The following UVRAG variants were observed in gnomAD, a reference collection of about 807,000 sequenced individuals.
UVRAG encodes UV radiation resistance associated, also known as UV radiation resistance-associated gene protein.
In UVRAG, 19 loss-of-function variants were observed where a neutral mutation model predicts 78.0. That is an observed-to-expected ratio of 0.24 (90% CI 0.17 to 0.36). The LOEUF is 0.36. Among genes scored for constraint, UVRAG ranks in the 10% least tolerant of loss-of-function variants. The probability of loss-of-function intolerance (pLI) is 1.00; values close to 1 mark genes in which losing one functional copy is unlikely to be tolerated. For missense variants in UVRAG, 740 were observed against 853.8 expected, an observed-to-expected ratio of 0.87 and a Z score of 1.66; for synonymous variants, 323 against 324.6, an observed-to-expected ratio of 1.00 and a Z score of 0.05.
In UVRAG at chr11:75,936,995, A is replaced by G. The variant is rs139014472; in HGVS notation, c.594-24449A>G. Among the ~76,000 whole-genome samples the G allele has an allele frequency of 9.4e-3, 1,433 of 152,244 alleles. 13 individuals are homozygous for G. The highest frequency in any genetic ancestry group is 0.014 in the Non-Finnish European group (980 of 68,012). On this transcript the variant is annotated intron_variant, in intron 6 of 14. Transcript: ENST00000356136. The stretch of plus-strand genomic sequence containing the variant: ...GGTCTTAAAGTCCTGGTCTCAAGTG[A>G]TCTTCTGTTCTCAGCCTCCTGAGTA...
chr11:76,140,144 T>TCTCTCC (rs1952688838), intron 14 of UVRAG, among the ~76,000 whole-genome samples: 1 of 100,474 alleles, frequency 1.0e-5, no homozygotes, highest in Non-Finnish European at 1.9e-5. Flanking sequence ...TCTCTCTCTC[T>TCTCTCC]CTCTCCCTCC....
At chr11:75,815,617 AC>A in intron 1 of UVRAG, 93 bp downstream of exon 1, 2 of 808,332 alleles carry the variant, frequency 2.5e-6, no homozygotes, top group South Asian at 6.4e-5. Flanking sequence ...GAGCCGGGAC[AC>A]CCAGAGCAGG....
In UVRAG at chr11:75,954,416, G is replaced by A. The variant is rs191775856; in HGVS notation, c.594-7028G>A. Among the ~76,000 whole-genome samples, 298 of 152,248 alleles carry A rather than the reference G, an allele frequency of 2.0e-3. 1 individual carries two copies. Among genetic ancestry groups the A allele is most frequent in the Middle Eastern group, 6.8e-3 (2 of 294 alleles). ...TACTTTTAAAGTAACAGGCTATTTT[G>A]TTGATTTCTTCTCTGGGTTGATGAT... On this transcript the variant is annotated intron_variant, in intron 6 of 14. Transcript: ENST00000356136.
At chr11:76,082,401 G>A (rs1309828595) in intron 13 of UVRAG, among the ~76,000 whole-genome samples, 2 of 151,824 alleles carry the variant, frequency 1.3e-5, no homozygotes, top group Admixed American at 6.6e-5. Flanking sequence ...TTAGCCAGGC[G>A]TGGTGTCGGG....
chr11:75,936,263 G>A (rs1410561424), intron 6 of UVRAG, among the ~76,000 whole-genome samples: 1 of 152,172 alleles, frequency 6.6e-6, no homozygotes, highest in African/African-American at 2.4e-5. Context: ...TTTGCAATCA[G>A]TAAGTATTTG....
chr11:75,977,736 C>T (rs1044969978), intron 7 of UVRAG, among the ~76,000 whole-genome samples: 2 of 152,148 alleles, frequency 1.3e-5, no homozygotes, highest in African/African-American at 4.8e-5. Context: ...AGATGTTCCT[C>T]CATCCCTTTA....
At chr11:76,011,570 G>A (rs111826646) in intron 11 of UVRAG, among the ~76,000 whole-genome samples, 1 of 152,204 alleles carries the variant, frequency 6.6e-6, no homozygotes. Flanking sequence ...GTTGCAGTGG[G>A]CTGAGATTGC....
At chr11:76,130,355 T>G (rs11825311) in intron 14 of UVRAG, among the ~76,000 whole-genome samples, 4,821 of 152,318 alleles carry the variant, frequency 0.032, 90 homozygotes, top group African/African-American at 0.047. Context: ...TAAATTCCAT[T>G]AAAACATGAA....
Position 75,829,803 on chromosome 11 carries a change from AATT to A in UVRAG, c.117+14284_117+14286del, listed in dbSNP as rs561789431. On this transcript the variant is annotated intron_variant, in intron 1 of 14. Transcript: ENST00000356136. ...TCCAGTAAAAGTTTAAGGATACTGA[AATT>A]ATTAATTTTCATGCCATGAAATATT... is the stretch of plus-strand genomic sequence containing the variant. Among the ~76,000 whole-genome samples, 684 of 152,302 alleles carry A rather than the reference AATT, an allele frequency of 4.5e-3. 3 individuals are homozygous for A. Among genetic ancestry groups the A allele is most frequent in the African/African-American group, 0.015 (627 of 41,576 alleles).
chr11:76,083,373 G>A (rs1483721458), intron 13 of UVRAG, among the ~76,000 whole-genome samples: 2 of 152,048 alleles, frequency 1.3e-5, no homozygotes, highest in Non-Finnish European at 2.9e-5. Context: ...CCATTTTAGG[G>A]ATGTATACTA....
At chr11:75,884,959 T>G (rs1446766116) in intron 4 of UVRAG, among the ~76,000 whole-genome samples, 1 of 152,038 alleles carries the variant, frequency 6.6e-6, no homozygotes, top group Non-Finnish European at 1.5e-5. Context: ...CTAAGAAAAT[T>G]TGGGGAGAAT....
intron 12 of UVRAG, among the ~76,000 whole-genome samples, chr11:76,050,656 A>G (rs754224408): frequency 2.6e-5 from 4 of 152,188 alleles, no homozygotes; most frequent in Non-Finnish European, 5.9e-5. Context: ...GAAAAGGGAA[A>G]TCAAGCATAC....
At chr11:76,082,413 G>A (rs545827986) in intron 13 of UVRAG, among the ~76,000 whole-genome samples, 16 of 151,826 alleles carry the variant, frequency 1.1e-4, no homozygotes, top group South Asian at 6.3e-4. Context: ...GGTGTCGGGC[G>A]CCTGTAATCC....
intron 13 of UVRAG, among the ~76,000 whole-genome samples, chr11:76,105,605 C>T (rs1419313163): frequency 1.3e-5 from 2 of 151,934 alleles, no homozygotes; most frequent in Non-Finnish European, 2.9e-5. Flanking sequence ...AAAAACTTAG[C>T]TGGGTGTGGT....
Position 76,024,334 on chromosome 11 carries a change from C to T in UVRAG, c.1226+7354C>T, listed in dbSNP as rs114219117. Among the ~76,000 whole-genome samples the T allele has an allele frequency of 4.4e-3, 665 of 152,198 alleles. 2 individuals carry two copies. The highest frequency in any genetic ancestry group is 0.015 in the African/African-American group (633 of 41,528). Reference sequence around the variant, plus strand: ...ATTTATTAATTGATTGGTTGATTTTCTCGAGTGATCTGGTAAGGCCAGCTG... The same window carrying T: ...ATTTATTAATTGATTGGTTGATTTTTTCGAGTGATCTGGTAAGGCCAGCTG... On this transcript the variant is annotated intron_variant, in intron 12 of 14. Coordinates refer to ENST00000356136, the MANE Select transcript of UVRAG (RefSeq NM_003369.4).
intron 5 of UVRAG, among the ~76,000 whole-genome samples, chr11:75,899,055 A>G (rs1947421986): frequency 6.6e-6 from 1 of 152,050 alleles, no homozygotes. Flanking sequence ...GAAAAGTTGG[A>G]AAAAAAATCA....
intron 2 of UVRAG, among the ~76,000 whole-genome samples, chr11:75,858,358 G>A (rs1463226944): frequency 6.6e-6 from 1 of 151,958 alleles, no homozygotes; most frequent in Non-Finnish European, 1.5e-5. Flanking sequence ...TACACAAAGT[G>A]TACCATACTA....
chr11:75,878,210 T>C (rs1279999574), intron 3 of UVRAG, among the ~76,000 whole-genome samples: 11 of 127,718 alleles, frequency 8.6e-5, no homozygotes, highest in Middle Eastern at 7.1e-3. Context: ...AGGCGCTCCT[T>C]ACATCCCAGA....
intron 6 of UVRAG, among the ~76,000 whole-genome samples, chr11:75,930,300 GAAAGT>G (rs1948206774): frequency 6.6e-6 from 1 of 152,150 alleles, no homozygotes; most frequent in Non-Finnish European, 1.5e-5. Context: ...TATGCTTAAT[GAAAGT>G]CTTTTATACT....
Sources: gnomAD v4.1 joint callset for allele counts (sites outside exome capture counted in the v4.1 genomes callset) on GRCh38, gnomAD v4.1.1 for gene constraint, MANE v1.5 for transcripts, NCBI Gene and HGNC (gene_info 2026-07-23, HGNC 2026-07-21) for gene names.